PDE1C: variants seen among roughly 807,000 people sequenced by gnomAD.
PDE1C encodes the protein phosphodiesterase 1C, also known as dual specificity calcium/calmodulin-dependent 3',5'-cyclic nucleotide phosphodiesterase 1C.
PDE1C carries 62 observed loss-of-function variants against 93.1 expected under a neutral mutation model. That is an observed-to-expected ratio of 0.67 (90% CI 0.54 to 0.82). The LOEUF (loss-of-function observed/expected upper bound fraction) is 0.82. Among genes scored for constraint, PDE1C ranks in the 40% least tolerant of loss-of-function variants. PDE1C has a pLI of 0.00. For synonymous variants in PDE1C, 325 were observed against 310.1 expected (o/e 1.05, Z -0.50); for missense variants, 742 against 884.6 (o/e 0.84, Z 2.04).
At chr7:32,336,034 G>C (rs1349867434) in intron 1 of PDE1C, among the ~76,000 whole-genome samples, 1 of 152,152 alleles carries the variant, frequency 6.6e-6, no homozygotes, top group Non-Finnish European at 1.5e-5. Flanking sequence ...AGTCACATCT[G>C]AGATACTGGG....
At position 31,974,945 on chromosome 7, in the gene PDE1C, T is replaced by C. The variant is rs1262654870; in HGVS notation, c.128+76609A>G. On this transcript the variant is annotated intron_variant, in intron 2 of 17. Transcript: ENST00000396191. The stretch of plus-strand genomic sequence containing the variant: ...AAAAATATCCTGCAGGTTCTCCCCA[T>C]TGCCTTCTGAACAAAGGCCGAGTTC... 3.9e-5 allele frequency among the ~76,000 whole-genome samples: 6 copies of C among 152,344 alleles called. No individual in the cohort carries two copies. The South Asian group carries it at 8.3e-4, about 21-fold the overall frequency.
At chr7:32,405,239 A>C (rs954595292) in intron 1 of PDE1C, among the ~76,000 whole-genome samples, 10 of 132,508 alleles carry the variant, frequency 7.5e-5, no homozygotes, top group East Asian at 2.4e-4. Flanking sequence ...TAATTAACTT[A>C]TTTTTTCTTT....
rs781201476 is a variant in PDE1C at position 31,837,204 on chromosome 7, T to C, written c.1179A>G (p.Ser393=). Residue 393 remains serine (S), a synonymous_variant, in exon 11 of 18, where the codon TCA becomes TCG. Transcript: ENST00000396191. ...AWDLHHRWTM[S]LLEEFFRQGD... ...CCTGTCTGAAGAACTCCTCCAGGAG[T>C]GACATTGTCCAGCGATGATGGAGGT... The C allele has an allele frequency of 1.2e-6, 2 of 1,613,484 alleles. No homozygotes were observed. Among genetic ancestry groups the C allele is most frequent in the African/African-American group, 1.3e-5 (1 of 74,848 alleles).
In PDE1C at chr7:32,282,832, C is replaced by T. The variant is rs933682436; in HGVS notation, c.85+15819G>A. ...CCTAACCTCGTGATCCGCCCACCTC[C>T]GCCTCCCAAAGTGCTGACATTACAG... On this transcript the variant is annotated intron_variant, in intron 1 of 18. Transcript: ENST00000396193. Among the ~76,000 whole-genome samples the T allele has an allele frequency of 4.6e-5, 7 of 152,158 alleles. No homozygotes were observed. The East Asian group carries it at 5.8e-4, about 13-fold the overall frequency.
In PDE1C at chr7:31,764,554, G is replaced by C. The variant is rs1795025326; in HGVS notation, c.1961-11001C>G. ...CAAGACGGAAGGAGTTCCAGTCCCTGAATTTTAATCTTGAAATCATTAGAA... is the reference window on the plus strand; with the variant it reads ...CAAGACGGAAGGAGTTCCAGTCCCTCAATTTTAATCTTGAAATCATTAGAA... On this transcript the variant is annotated intron_variant, in intron 17 of 17. Coordinates refer to ENST00000396191, the MANE Select transcript of PDE1C (RefSeq NM_001191057.4). 2.0e-5 allele frequency among the ~76,000 whole-genome samples: 3 copies of C among 152,148 alleles called. No homozygotes were observed. The South Asian group carries it at 6.2e-4, about 32-fold the overall frequency.
rs181969404 is a variant in PDE1C, at chr7:31,823,408, G to A, written c.1407-160C>T. 1.5e-3 allele frequency among the ~76,000 whole-genome samples: 231 copies of A among 152,226 alleles called. 1 individual carries two copies. The highest frequency in any genetic ancestry group is 5.2e-3 in the African/African-American group (216 of 41,526). The stretch of plus-strand genomic sequence containing the variant: ...ATTATTCTATTTTCCACATATGACC[G>A]GTGGGAAATTCTGAATTTTCAGCAG... On this transcript the variant is annotated intron_variant, in intron 13 of 17. Transcript: ENST00000396191.
At chr7:32,206,659 T>C (rs1297357406) in intron 2 of PDE1C, among the ~76,000 whole-genome samples, 2 of 152,176 alleles carry the variant, frequency 1.3e-5, no homozygotes, top group African/African-American at 2.4e-5. Flanking sequence ...CATGGGGTAC[T>C]TTCCATGCGG....
At chr7:32,407,275 A>C (rs1047423189) in intron 1 of PDE1C, among the ~76,000 whole-genome samples, 1 of 152,194 alleles carries the variant, frequency 6.6e-6, no homozygotes, top group African/African-American at 2.4e-5. Flanking sequence ...ACTCAGTCCC[A>C]AAAAATAAAA....
chr7:31,949,522 T>C (rs1032042743), intron 2 of PDE1C, among the ~76,000 whole-genome samples: 2 of 152,182 alleles, frequency 1.3e-5, no homozygotes, highest in Non-Finnish European at 2.9e-5. Flanking sequence ...CTTAGATATA[T>C]GTTTTCACTT....
intron 1 of PDE1C, among the ~76,000 whole-genome samples, chr7:32,373,198 G>A (rs1423627582): frequency 6.6e-6 from 1 of 152,164 alleles, no homozygotes; most frequent in Non-Finnish European, 1.5e-5. Context: ...AGCCAATAGT[G>A]AAAACAACCA....
At chr7:31,802,258 G>A (rs1334111772) in intron 16 of PDE1C, among the ~76,000 whole-genome samples, 1 of 151,336 alleles carries the variant, frequency 6.6e-6, no homozygotes, top group Non-Finnish European at 1.5e-5. Context: ...TTGCTTTAGA[G>A]TTTATAATAT....
intron 9 of PDE1C, among the ~76,000 whole-genome samples, chr7:31,838,567 C>A (rs1231315052): frequency 1.3e-5 from 2 of 152,100 alleles, no homozygotes; most frequent in East Asian, 3.9e-4. Flanking sequence ...GTTCACTGGG[C>A]ATGCTGTACA....
chr7:31,862,721 C>G (rs1278992540), intron 7 of PDE1C, among the ~76,000 whole-genome samples: 1 of 152,210 alleles, frequency 6.6e-6, no homozygotes, highest in Non-Finnish European at 1.5e-5. Flanking sequence ...AGGATTTCAG[C>G]AGAGGAATTT....
downstream of PDE1C, among the ~76,000 whole-genome samples, chr7:31,749,490 CATG>C (rs1562733817): frequency 3.3e-5 from 5 of 152,100 alleles, no homozygotes; most frequent in African/African-American, 1.2e-4. Flanking sequence ...GGTGAGCTCA[CATG>C]TCTTGAAAAT....
At chr7:31,886,897 T>TCTTTTCGGATCTTTTCAG (rs1798025470) in intron 2 of PDE1C, among the ~76,000 whole-genome samples, 1 of 3,982 alleles carries the variant, frequency 2.5e-4, no homozygotes, top group African/African-American at 9.9e-4. Context: ...TGTCAAAAGA[T>TCTTTTCGGATCTTTTCAG]AAAACAGAAG....
rs566413307 is a variant in PDE1C, at chr7:32,213,196, TTAAA to T, written c.86-3661_86-3658del. Among the ~76,000 whole-genome samples the T allele has an allele frequency of 5.9e-5, 9 of 152,312 alleles. No homozygotes were observed. In the South Asian group the frequency reaches 1.9e-3, roughly 32 times the overall value. On this transcript the variant is annotated intron_variant, in intron 1 of 18. Transcript: ENST00000396193. ...TTTGGTCTCACTATGCTTTCAATTT[TTAAA>T]CAATTGTCAGCCCACATTTAAAAAC...
chr7:32,289,544 T>C (rs1812206870), intron 1 of PDE1C, among the ~76,000 whole-genome samples: 1 of 152,212 alleles, frequency 6.6e-6, no homozygotes, highest in Non-Finnish European at 1.5e-5. Context: ...AAAAATTTTA[T>C]TGAGATAATC....
chr7:31,637,830 G>C, the PDE1C span, among the ~76,000 whole-genome samples: 1 of 152,186 alleles, frequency 6.6e-6, no homozygotes, highest in Non-Finnish European at 1.5e-5. Context: ...GTCCTGAACA[G>C]TATTGCCTAG....
chr7:32,184,910 G>A (rs111338066), intron 2 of PDE1C, among the ~76,000 whole-genome samples: 12,567 of 152,086 alleles, frequency 0.083, 1,705 homozygotes, highest in African/African-American at 0.29. Context: ...TCAGGAGTTC[G>A]AGAGCAGCCT....
Sources: allele counts gnomAD v4.1 joint callset (sites outside exome capture counted in the v4.1 genomes callset), GRCh38; gene constraint gnomAD v4.1.1; transcripts MANE v1.5; gene names NCBI Gene and HGNC (gene_info 2026-07-23, HGNC 2026-07-21).